Variants in OC90 observed in about 807,000 individuals in gnomAD.
OC90 encodes the protein otoconin 90.
A neutral mutation model predicts 47.3 loss-of-function variants in OC90; 46 were observed. That is an observed-to-expected ratio of 0.97 (90% CI 0.77 to 1.24). The LOEUF (loss-of-function observed/expected upper bound fraction) is 1.24. Among genes scored for constraint, OC90 ranks in the 50% most tolerant of loss-of-function variants. The pLI, the probability that OC90 is intolerant of heterozygous loss-of-function variation, is 0.00. For missense variants in OC90, 688 were observed against 583.9 expected (o/e 1.18, Z -1.84); for synonymous variants, 271 against 219.5 (o/e 1.23, Z -2.07).
At position 132,059,379 on chromosome 8, in the gene OC90, C is replaced by G. The variant is rs1823317507; in HGVS notation, c.-86G>C. On this transcript the variant is annotated 5_prime_UTR_variant, in exon 1 of 14. Transcript: ENST00000254627. The stretch of plus-strand genomic sequence containing the variant: ...CTGGAGTGCAGCTGGATGAATGATG[C>G]TAGGGTTTGAACAGGTGCAGACTGA... The G allele has an allele frequency of 6.6e-6, 1 of 151,310 alleles. No individual in the cohort carries two copies. The highest frequency in any genetic ancestry group is 1.5e-5 in the Non-Finnish European group (1 of 67,898). 9.4% of individuals were successfully genotyped at this position (151,310 alleles called of 1,614,324 possible). A position where few individuals can be genotyped will look rare whatever the true frequency, so the allele number is the denominator to read the frequency against.
intron 4 of OC90, among the ~76,000 whole-genome samples, chr8:132,044,183 T>C (rs1419608832): frequency 1.3e-5 from 2 of 152,286 alleles, no homozygotes; most frequent in East Asian, 1.9e-4. Context: ...GGGGATACCA[T>C]TCCCTTCCTG....
chr8:132,058,782 G>A (rs1438971850), intron 1 of OC90, among the ~76,000 whole-genome samples: 1 of 152,132 alleles, frequency 6.6e-6, no homozygotes, highest in African/African-American at 2.4e-5. Flanking sequence ...ACCAGGTGCC[G>A]TGGGCGGGGT....
chr8:132,054,976 C>T lies in OC90; in HGVS notation c.46+5G>A. 1 of 1,546,142 alleles carries T rather than the reference C, an allele frequency of 6.5e-7. No homozygotes were observed. Among genetic ancestry groups the T allele is most frequent in the Non-Finnish European group, 8.7e-7 (1 of 1,144,032 alleles). ...GGAACTATGGTGTAAGATATCATTACTCACCGGCATGGGGGATCATCAGCA... is the reference window on the plus strand; with the variant it reads ...GGAACTATGGTGTAAGATATCATTATTCACCGGCATGGGGGATCATCAGCA... On this transcript the variant is annotated splice_donor_5th_base_variant and intron_variant, in intron 2 of 13. Coordinates refer to ENST00000254627, the MANE Select transcript of OC90 (RefSeq NM_001080399.3).
chr8:132,044,759 A>T (rs1187240449), intron 3 of OC90, among the ~76,000 whole-genome samples: 2 of 152,240 alleles, frequency 1.3e-5, no homozygotes, highest in East Asian at 3.8e-4. Flanking sequence ...TTATGGGTGA[A>T]CTATAAATAC....
intron 1 of OC90, among the ~76,000 whole-genome samples, chr8:132,057,277 T>C: frequency 6.6e-6 from 1 of 152,202 alleles, no homozygotes; most frequent in South Asian, 2.1e-4. Context: ...TGAAGAAGAA[T>C]GATCAGTTTT....
intron 2 of OC90, among the ~76,000 whole-genome samples, chr8:132,047,540 T>C (rs994520831): frequency 6.6e-6 from 1 of 152,208 alleles, no homozygotes; most frequent in Non-Finnish European, 1.5e-5. Flanking sequence ...CCAGCGACTC[T>C]AAGTTTGTAT....
intron 2 of OC90, among the ~76,000 whole-genome samples, chr8:132,053,084 C>T (rs918907522): frequency 6.6e-6 from 1 of 152,092 alleles, no homozygotes. Context: ...GGGATGCCTT[C>T]CCCTTGTCTG....
intron 13 of OC90, among the ~76,000 whole-genome samples, chr8:132,028,436 A>G (rs957531796): frequency 2.6e-5 from 4 of 151,796 alleles, no homozygotes; most frequent in African/African-American, 7.3e-5. Context: ...AGGGGGTTAG[A>G]GGTTGCAGTG....
chr8:132,033,447 T>C (rs1025631745), intron 10 of OC90, among the ~76,000 whole-genome samples: 2 of 152,216 alleles, frequency 1.3e-5, no homozygotes, highest in African/African-American at 2.4e-5. Flanking sequence ...GTTTGTGTCA[T>C]GTTTAGTATC....
intron 13 of OC90, among the ~76,000 whole-genome samples, chr8:132,028,651 G>GGAGA (rs1822810005): frequency 8.2e-6 from 1 of 122,136 alleles, no homozygotes; most frequent in Non-Finnish European, 1.6e-5. Context: ...AGGAAGGAAG[G>GGAGA]AAGAAAGAAA....
rs370014748 is a variant in OC90, at chr8:132,031,950, T to C, written c.962A>G (p.Glu321Gly). Residue 321 changes from glutamate (E) to glycine (G), a missense_variant, in exon 12 of 14, where the codon GAG becomes GGG. Transcript: ENST00000254627. ...GTAACAGCCATAAGACTCAAATTCC[T>C]CCGGGCACCGGGATGTCAGACAAAA... Reference protein sequence around the residue: ...MLFCLTSRCPEEFESYGCYCG... With the variant: ...MLFCLTSRCPGEFESYGCYCG... 3.7e-6 allele frequency: 6 copies of C among 1,613,844 alleles called. No individual in the cohort carries two copies. The highest frequency in any genetic ancestry group is 5.1e-6 in the Non-Finnish European group (6 of 1,179,890).
At chr8:132,034,659 C>A (rs1024843981) in intron 10 of OC90, 122 bp downstream of exon 10, 2 of 671,946 alleles carry the variant, frequency 3.0e-6, no homozygotes, top group Non-Finnish European at 2.6e-6. Flanking sequence ...TGCCCCATCA[C>A]CTCCCATGCT....
chr8:132,024,867 C>T, intron 13 of OC90, 91 bp from the exon 14 acceptor site: 1 of 1,119,856 alleles, frequency 8.9e-7, no homozygotes, highest in South Asian at 1.5e-5. Flanking sequence ...AGCCCTTCTC[C>T]TTCCTCCCCA....
At chr8:132,034,096 T>G (rs1822917995) in intron 10 of OC90, among the ~76,000 whole-genome samples, 1 of 152,218 alleles carries the variant, frequency 6.6e-6, no homozygotes, top group South Asian at 2.1e-4. Flanking sequence ...TAGAAGCAAG[T>G]TATCTAATTT....
chr8:132,057,891 C>G (rs1046483803), intron 1 of OC90, among the ~76,000 whole-genome samples: 1 of 152,234 alleles, frequency 6.6e-6, no homozygotes. Flanking sequence ...CAGAAGGGGG[C>G]GCTCTGGCAA....
At chr8:132,043,574 T>C (rs552559713) in intron 4 of OC90, among the ~76,000 whole-genome samples, 1 of 152,220 alleles carries the variant, frequency 6.6e-6, no homozygotes, top group African/African-American at 2.4e-5. Flanking sequence ...TGATTTAACA[T>C]GCACAGGGTC....
intron 2 of OC90, among the ~76,000 whole-genome samples, chr8:132,052,135 C>T (rs1823219826): frequency 6.6e-6 from 1 of 152,024 alleles, no homozygotes; most frequent in Admixed American, 6.6e-5. Context: ...GCCATGTATT[C>T]CCTTTGCCAG....
chr8:132,024,390 G>T lies in OC90; in HGVS notation c.*91C>A, dbSNP rs1203745485. The T allele has an allele frequency of 9.5e-7, 1 of 1,053,472 alleles. No individual in the cohort carries two copies. The highest frequency in any genetic ancestry group is 1.3e-6 in the Non-Finnish European group (1 of 740,888). 65.3% of individuals were successfully genotyped at this position (1,053,472 alleles called of 1,614,324 possible). ...CTCTGAGTTAAAGGAAGGGAAGAAG[G>T]CTCCAAGGGACAGAGGAGGCTGAGA... is the stretch of plus-strand genomic sequence containing the variant. On this transcript the variant is annotated 3_prime_UTR_variant, in exon 14 of 14. Coordinates refer to ENST00000254627, the MANE Select transcript of OC90 (RefSeq NM_001080399.3).
intron 12 of OC90, 142 bp downstream of exon 12, chr8:132,031,739 C>A: frequency 1.5e-6 from 1 of 653,226 alleles, no homozygotes; most frequent in South Asian, 2.0e-5. Flanking sequence ...TGCTGTAGAG[C>A]CACCTGAGTG....
Sources: allele counts gnomAD v4.1 joint callset (sites outside exome capture counted in the v4.1 genomes callset), GRCh38; gene constraint gnomAD v4.1.1; transcripts MANE v1.5; gene names NCBI Gene and HGNC (gene_info 2026-07-23, HGNC 2026-07-21).